CRYM: variants seen among roughly 807,000 people sequenced by gnomAD.
CRYM encodes the protein ketimine reductase mu-crystallin.
Under a neutral mutation model 32.9 loss-of-function variants are expected in CRYM, and 18 were observed. The ratio of observed to expected loss-of-function variants is 0.55; its 90% CI spans 0.38 to 0.81. The LOEUF (loss-of-function observed/expected upper bound fraction) is 0.81. Among genes scored for constraint, CRYM ranks in the 30% least tolerant of loss-of-function variants. The pLI, the probability that CRYM is intolerant of heterozygous loss-of-function variation, is 0.00. For synonymous variants in CRYM, 153 were observed against 152.4 expected (o/e 1.00, Z -0.03); for missense variants, 337 against 393.5 (o/e 0.86, Z 1.21).
At position 21,258,741 on chromosome 16, in the gene CRYM, T is replaced by A; in HGVS notation, c.*40A>T. The A allele has an allele frequency of 6.5e-7, 1 of 1,546,748 alleles. No individual in the cohort carries two copies. Among genetic ancestry groups the A allele is most frequent in the South Asian group, 1.1e-5 (1 of 89,672 alleles). ...TAGAAATTATGAGAACCAGCAGCAATATTCCTCAAGCATCCATCTCAACAT... is the reference window on the plus strand; with the variant it reads ...TAGAAATTATGAGAACCAGCAGCAAAATTCCTCAAGCATCCATCTCAACAT... On this transcript the variant is annotated 3_prime_UTR_variant, in exon 8 of 8. Transcript: ENST00000572914.
At chr16:21,263,270 A>G (rs1438306532) in intron 5 of CRYM, among the ~76,000 whole-genome samples, 3 of 152,076 alleles carry the variant, frequency 2.0e-5, no homozygotes, top group Non-Finnish European at 4.4e-5. Context: ...GCATGGTAGC[A>G]CACGCCTGTA....
chr16:21,291,903 GT>G (rs1204112413), intron 1 of CRYM, among the ~76,000 whole-genome samples: 1 of 151,812 alleles, frequency 6.6e-6, no homozygotes, highest in African/African-American at 2.4e-5. Context: ...AGAACCAAAC[GT>G]TTTTAATTGT....
At chr16:21,292,149 G>A (rs1960672854) in intron 1 of CRYM, among the ~76,000 whole-genome samples, 1 of 152,042 alleles carries the variant, frequency 6.6e-6, no homozygotes, top group South Asian at 2.1e-4. Context: ...ATGTGAATGG[G>A]TAATCAAACT....
chr16:21,299,536 C>T (rs1002299509), intron 1 of CRYM, among the ~76,000 whole-genome samples: 3 of 152,210 alleles, frequency 2.0e-5, no homozygotes, highest in Admixed American at 2.0e-4. Flanking sequence ...TCCCAAACTC[C>T]TGACCTCAGG....
At chr16:21,290,526 C>T (rs1390262894) in intron 1 of CRYM, among the ~76,000 whole-genome samples, 1 of 152,170 alleles carries the variant, frequency 6.6e-6, no homozygotes, top group African/African-American at 2.4e-5. Flanking sequence ...TTCTTGAAGT[C>T]AGCGAGACCA....
In CRYM at chr16:21,278,003, T is replaced by C. The variant is rs890138721; in HGVS notation, c.170+79A>G. On this transcript the variant is annotated intron_variant, in intron 1 of 7. Coordinates refer to ENST00000572914, the MANE Select transcript of CRYM (RefSeq NM_001376256.1). ...GTTAGGCAAGCCGTCTCTTCCCTTC[T>C]CCCACCCCTCCTCTTCCTGCTCCTC... 5 of 1,454,868 alleles carry C rather than the reference T, an allele frequency of 3.4e-6. No homozygotes were observed. The African/African-American group carries it at 5.6e-5, about 16-fold the overall frequency. 90.1% of individuals were successfully genotyped at this position (1,454,868 alleles called of 1,614,324 possible). A position where few individuals can be genotyped will look rare whatever the true frequency, so the allele number is the denominator to read the frequency against.
intron 5 of CRYM, among the ~76,000 whole-genome samples, chr16:21,262,812 T>G (rs1259494710): frequency 6.6e-6 from 1 of 152,184 alleles, no homozygotes; most frequent in Non-Finnish European, 1.5e-5. Flanking sequence ...ACTTAACAGA[T>G]GCACGAATGG....
At chr16:21,295,087 G>T (rs1037794805) in intron 1 of CRYM, among the ~76,000 whole-genome samples, 1 of 152,100 alleles carries the variant, frequency 6.6e-6, no homozygotes, top group Non-Finnish European at 1.5e-5. Flanking sequence ...ATTTGGGTTG[G>T]TTCCACGTCT....
At chr16:21,279,320 G>A (rs1260490574), upstream of CRYM, among the ~76,000 whole-genome samples, 2 of 152,152 alleles carry the variant, frequency 1.3e-5, no homozygotes, top group Non-Finnish European at 2.9e-5. Context: ...TTTAGTTCAA[G>A]GTCATCCACC....
chr16:21,293,088 A>G (rs1342464604), intron 1 of CRYM, among the ~76,000 whole-genome samples: 1 of 152,030 alleles, frequency 6.6e-6, no homozygotes, highest in Non-Finnish European at 1.5e-5. Flanking sequence ...AAATAGATTC[A>G]TACATGTATA....
At position 21,267,741 on chromosome 16, in the gene CRYM, C is replaced by T; in HGVS notation, c.490-4G>A. The stretch of plus-strand genomic sequence containing the variant: ...TGGTGCGGTTCCATATCCTCACCTT[C>T]ATTGGGAGTAACAAGAAGGATATTG... On this transcript the variant is annotated splice_region_variant and splice_polypyrimidine_tract_variant and intron_variant, in intron 4 of 7. Coordinates refer to ENST00000572914, the MANE Select transcript of CRYM (RefSeq NM_001376256.1). The T allele has an allele frequency of 6.2e-7, 1 of 1,614,200 alleles. No individual in the cohort carries two copies. The highest frequency in any genetic ancestry group is 8.5e-7 in the Non-Finnish European group (1 of 1,180,030).
chr16:21,262,210 T>C, intron 5 of CRYM, 52 bp from the exon 6 acceptor site: 1 of 1,612,282 alleles, frequency 6.2e-7, no homozygotes, highest in Non-Finnish European at 8.5e-7. Flanking sequence ...CAAAGGCTGC[T>C]AAGAAGCCCA....
intron 1 of CRYM, chr16:21,301,449 G>C (rs952211191): frequency 6.6e-5 from 10 of 151,882 alleles, no homozygotes; most frequent in Non-Finnish European, 1.3e-4. Flanking sequence ...AGCATGAGAC[G>C]AGGTGGGTGG....
At chr16:21,280,746 A>T (rs2093396628), upstream of CRYM, among the ~76,000 whole-genome samples, 1 of 152,214 alleles carries the variant, frequency 6.6e-6, no homozygotes, top group Non-Finnish European at 1.5e-5. Context: ...CAGCAGCTAA[A>T]CAAGCACTGG....
chr16:21,279,504 G>A (rs961933417), upstream of CRYM, among the ~76,000 whole-genome samples: 3 of 152,182 alleles, frequency 2.0e-5, no homozygotes, highest in Non-Finnish European at 4.4e-5. Flanking sequence ...GTGTTAGGCT[G>A]GAATAAGGTG....
chr16:21,287,189 A>G (rs2093408881), intron 1 of CRYM, among the ~76,000 whole-genome samples: 1 of 152,248 alleles, frequency 6.6e-6, no homozygotes, highest in African/African-American at 2.4e-5. Context: ...TCAAAATAGA[A>G]TCACTGGTCA....
upstream of CRYM, among the ~76,000 whole-genome samples, chr16:21,282,000 T>C (rs1482420882): frequency 2.5e-4 from 38 of 152,220 alleles, no homozygotes; most frequent in Admixed American, 2.5e-3. Context: ...TGGCTCCATG[T>C]CCACACCCAA....
intron 1 of CRYM, among the ~76,000 whole-genome samples, chr16:21,290,654 C>G (rs150233355): frequency 1.3e-3 from 203 of 152,248 alleles, no homozygotes; most frequent in African/African-American, 4.8e-3. Context: ...TGAAGTCTTA[C>G]AGTGACAGTT....
At chr16:21,298,420 TA>T (rs1960832086) in intron 1 of CRYM, among the ~76,000 whole-genome samples, 1 of 152,132 alleles carries the variant, frequency 6.6e-6, no homozygotes, top group Non-Finnish European at 1.5e-5. Context: ...AAATGGGAAA[TA>T]TACAACATTC....
Sources: allele counts gnomAD v4.1 joint callset (sites outside exome capture counted in the v4.1 genomes callset), GRCh38; gene constraint gnomAD v4.1.1; transcripts MANE v1.5; gene names NCBI Gene and HGNC (gene_info 2026-07-23, HGNC 2026-07-21).